The following CDH18 variants were observed in gnomAD, a reference collection of about 807,000 sequenced individuals.
CDH18 encodes the protein cadherin 18.
In CDH18, 31 loss-of-function variants were observed where a neutral mutation model predicts 67.9. That is an observed-to-expected ratio of 0.46 (90% CI 0.34 to 0.62). The LOEUF (loss-of-function observed/expected upper bound fraction) is 0.62. Among genes scored for constraint, CDH18 ranks in the 20% least tolerant of loss-of-function variants. The probability of loss-of-function intolerance (pLI) is 0.01; values close to 1 mark genes in which losing one functional copy is unlikely to be tolerated. For synonymous variants in CDH18, 362 were observed against 347.2 expected (o/e 1.04, Z -0.48); for missense variants, 890 against 975.5 (o/e 0.91, Z 1.17).
intron 5 of CDH18, among the ~76,000 whole-genome samples, chr5:19,706,082 C>T (rs141490676): frequency 7.7e-4 from 117 of 152,256 alleles, no homozygotes; most frequent in African/African-American, 2.6e-3. Flanking sequence ...GTATTGACTG[C>T]TTTTGATATG....
intron 2 of CDH18, among the ~76,000 whole-genome samples, chr5:19,918,602 A>G (rs569370361): frequency 3.3e-5 from 5 of 152,250 alleles, no homozygotes; most frequent in African/African-American, 9.6e-5. Flanking sequence ...ATGTCCTTCA[A>G]CAAAAATGAA....
At chr5:19,558,002 C>A (rs1003649673) in intron 8 of CDH18, among the ~76,000 whole-genome samples, 1 of 151,902 alleles carries the variant, frequency 6.6e-6, no homozygotes, top group Admixed American at 6.6e-5. Context: ...CCCTCAAAAC[C>A]ATGCAAATAC....
intron 2 of CDH18, among the ~76,000 whole-genome samples, chr5:19,857,009 G>A (rs1175119357): frequency 6.6e-6 from 1 of 152,090 alleles, no homozygotes; most frequent in Non-Finnish European, 1.5e-5. Flanking sequence ...GATCACTTGA[G>A]GCCAGGAGTT....
intron 5 of CDH18, among the ~76,000 whole-genome samples, chr5:19,663,162 C>G (rs1757419999): frequency 1.3e-5 from 2 of 151,948 alleles, no homozygotes; most frequent in African/African-American, 2.4e-5. Flanking sequence ...TTTCCCTTCA[C>G]ATTGCTAATG....
intron 5 of CDH18, among the ~76,000 whole-genome samples, chr5:19,629,516 T>C (rs1752093391): frequency 6.6e-6 from 1 of 152,184 alleles, no homozygotes; most frequent in Admixed American, 6.5e-5. Context: ...CTCTTGAATC[T>C]TCATTCCCTG....
At chr5:20,266,570 A>AT (rs1745050146) in intron 1 of CDH18, among the ~76,000 whole-genome samples, 4 of 74,656 alleles carry the variant, frequency 5.4e-5, no homozygotes, top group Admixed American at 1.7e-4. Context: ...CGCCCGGCTG[A>AT]ATTTTTTTTT....
intron 5 of CDH18, among the ~76,000 whole-genome samples, chr5:19,630,042 T>C (rs577341770): frequency 1.7e-3 from 254 of 152,258 alleles, no homozygotes; most frequent in African/African-American, 5.8e-3. Flanking sequence ...GTTCAAGCAA[T>C]TCTCCTGCCT....
At chr5:19,629,280 T>C (rs965036223) in intron 5 of CDH18, among the ~76,000 whole-genome samples, 9 of 152,074 alleles carry the variant, frequency 5.9e-5, no homozygotes, top group Admixed American at 5.9e-4. Context: ...TAAAGATCAG[T>C]GAAGAGAGTG....
chr5:20,241,435 G>A (rs1243405431), intron 2 of CDH18, among the ~76,000 whole-genome samples: 1 of 152,120 alleles, frequency 6.6e-6, no homozygotes, highest in Non-Finnish European at 1.5e-5. Flanking sequence ...TTGGGTTAAT[G>A]GCTGAAAGAG....
chr5:19,889,078 T>C (rs1272262123), intron 2 of CDH18, among the ~76,000 whole-genome samples: 2 of 152,104 alleles, frequency 1.3e-5, no homozygotes, highest in Non-Finnish European at 2.9e-5. Context: ...TATAACCTAA[T>C]AAATGTAAAT....
At chr5:20,074,870 T>C (rs891142891) in intron 2 of CDH18, among the ~76,000 whole-genome samples, 1 of 152,156 alleles carries the variant, frequency 6.6e-6, no homozygotes, top group Admixed American at 6.6e-5. Flanking sequence ...TGTAAATCCC[T>C]TAGAAAATGT....
intron 2 of CDH18, among the ~76,000 whole-genome samples, chr5:20,004,370 A>G (rs1263825001): frequency 1.3e-5 from 2 of 152,218 alleles, no homozygotes; most frequent in African/African-American, 4.8e-5. Context: ...TATTCCTCAC[A>G]TGAATGCTAA....
chr5:20,268,405 T>A (rs1183370675), intron 1 of CDH18, among the ~76,000 whole-genome samples: 1 of 152,178 alleles, frequency 6.6e-6, no homozygotes, highest in Non-Finnish European at 1.5e-5. Flanking sequence ...TCTTGCCTGA[T>A]TGTTCTATGT....
At chr5:19,806,895 C>T (rs1025772887) in intron 3 of CDH18, among the ~76,000 whole-genome samples, 2 of 152,096 alleles carry the variant, frequency 1.3e-5, no homozygotes, top group African/African-American at 4.8e-5. Flanking sequence ...AGCCTATTTC[C>T]TCACTGGGGA....
chr5:20,158,086 C>T (rs7707280), intron 2 of CDH18, among the ~76,000 whole-genome samples: 150,180 of 152,290 alleles, frequency 0.99, 74,092 homozygotes, highest in East Asian at 1. Context: ...GTATTTCATA[C>T]CATTTGCTTT....
chr5:19,493,347 T>G (rs1353425442), intron 11 of CDH18, among the ~76,000 whole-genome samples: 1 of 152,192 alleles, frequency 6.6e-6, no homozygotes, highest in Non-Finnish European at 1.5e-5. Context: ...CAGCAGACAG[T>G]ACATAACACT....
intron 1 of CDH18, among the ~76,000 whole-genome samples, chr5:20,520,452 G>A (rs756044653): frequency 2.6e-5 from 4 of 152,100 alleles, no homozygotes; most frequent in Non-Finnish European, 5.9e-5. Context: ...GCATAAGTTT[G>A]TACCACACAC....
chr5:20,346,894 A>G (rs1740743974), intron 1 of CDH18, among the ~76,000 whole-genome samples: 1 of 152,206 alleles, frequency 6.6e-6, no homozygotes, highest in African/African-American at 2.4e-5. Context: ...AAATGTCATT[A>G]GATTTACTTG....
Position 19,472,415 on chromosome 5 carries a change from C to G in CDH18, c.*811G>C, listed in dbSNP as rs1045040074. On this transcript the variant is annotated 3_prime_UTR_variant, in exon 13 of 13. Coordinates refer to ENST00000382275, the MANE Select transcript of CDH18 (RefSeq NM_004934.5). ...ATTTGGTAGAAGATAAGGTGTGTGGCTATTTTTAAAATTAAATTATTCCCT... is the reference window on the plus strand; with the variant it reads ...ATTTGGTAGAAGATAAGGTGTGTGGGTATTTTTAAAATTAAATTATTCCCT... 2.6e-5 allele frequency among the ~76,000 whole-genome samples: 4 copies of G among 152,044 alleles called. No homozygotes were observed. Among genetic ancestry groups the G allele is most frequent in the Non-Finnish European group, 5.9e-5 (4 of 68,000 alleles).
Sources: gnomAD v4.1 joint callset for allele counts (sites outside exome capture counted in the v4.1 genomes callset) on GRCh38, gnomAD v4.1.1 for gene constraint, MANE v1.5 for transcripts, NCBI Gene and HGNC (gene_info 2026-07-23, HGNC 2026-07-21) for gene names.